The following KCNG3 variants were observed in gnomAD, a reference collection of about 807,000 sequenced individuals.
KCNG3 encodes potassium voltage-gated channel modifier subfamily G member 3, also known as voltage-gated potassium channel regulatory subunit KCNG3.
A neutral mutation model predicts 29.0 loss-of-function variants in KCNG3; 15 were observed. The ratio of observed to expected loss-of-function variants is 0.52; its 90% CI spans 0.35 to 0.80. The LOEUF (loss-of-function observed/expected upper bound fraction) is 0.80, where lower values mean the gene tolerates loss of function less well. Among genes scored for constraint, KCNG3 ranks in the 30% least tolerant of loss-of-function variants. The pLI, the probability that KCNG3 is intolerant of heterozygous loss-of-function variation, is 0.01. For synonymous variants in KCNG3, 322 were observed against 248.9 expected, an observed-to-expected ratio of 1.29 and a Z score of -2.76; for missense variants, 512 against 605.7, an observed-to-expected ratio of 0.85 and a Z score of 1.62.
At chr2:42,441,414 G>A (rs556512216), downstream of KCNG3, among the ~76,000 whole-genome samples, 141 of 151,884 alleles carry the variant, frequency 9.3e-4, 1 homozygote, top group Non-Finnish European at 1.1e-3. Context: ...GATAAATAAT[G>A]ATAAAAGTAG....
chr2:42,404,612 C>T, the KCNG3 span, among the ~76,000 whole-genome samples: 49 of 152,068 alleles, frequency 3.2e-4, no homozygotes, highest in Non-Finnish European at 5.4e-4. Flanking sequence ...ACCTTAGTCC[C>T]AGCTACTTGG....
chr2:42,450,939 T>G (rs1280830946), intron 1 of KCNG3, among the ~76,000 whole-genome samples: 1 of 152,156 alleles, frequency 6.6e-6, no homozygotes, highest in African/African-American at 2.4e-5. Context: ...AAGCAGTGGC[T>G]CATGCCCATA....
rs1432746078 is a variant in KCNG3, at chr2:42,492,818, G to C, written c.665+19C>G. 4 of 1,464,006 alleles carry C rather than the reference G, an allele frequency of 2.7e-6. No homozygotes were observed. Among genetic ancestry groups the C allele is most frequent in the Non-Finnish European group, 3.6e-6 (4 of 1,110,674 alleles). The allele number at this position is 1,464,006 out of a possible 1,614,324, so 90.7% of individuals were successfully genotyped here. A position where few individuals can be genotyped will look rare whatever the true frequency, so the allele number is the denominator to read the frequency against. On this transcript the variant is annotated intron_variant, in intron 1 of 1. Coordinates refer to ENST00000306078, the MANE Select transcript of KCNG3 (RefSeq NM_133329.6). Reference sequence around the variant, plus strand: ...CGCGACAGGACGGACGGGACGGGTAGAGAAGCAGTGCGTCCTACCCGGAGG... The same window carrying C: ...CGCGACAGGACGGACGGGACGGGTACAGAAGCAGTGCGTCCTACCCGGAGG...
At chr2:42,484,366 G>A (rs955467304) in intron 1 of KCNG3, among the ~76,000 whole-genome samples, 1 of 152,182 alleles carries the variant, frequency 6.6e-6, no homozygotes, top group Non-Finnish European at 1.5e-5. Context: ...GGGGGCTGAG[G>A]CAGGAGAATT....
chr2:42,477,847 C>G (rs960674135), intron 1 of KCNG3, among the ~76,000 whole-genome samples: 1 of 151,566 alleles, frequency 6.6e-6, no homozygotes, highest in East Asian at 2.0e-4. Flanking sequence ...CCACTGCACT[C>G]CAGCCTGGGT....
the KCNG3 span, among the ~76,000 whole-genome samples, chr2:42,420,713 T>A: frequency 1.3e-5 from 2 of 151,734 alleles, no homozygotes; most frequent in Non-Finnish European, 2.9e-5. Flanking sequence ...TCACTTGAAC[T>A]CAGGAGGCGG....
intron 1 of KCNG3, among the ~76,000 whole-genome samples, chr2:42,468,403 A>G (rs1485979605): frequency 1.3e-5 from 2 of 152,348 alleles, no homozygotes; most frequent in East Asian, 3.9e-4. Flanking sequence ...GGGACAGTCT[A>G]TACTGCTACA....
chr2:42,461,637 T>C (rs1673020471), intron 1 of KCNG3, among the ~76,000 whole-genome samples: 1 of 152,104 alleles, frequency 6.6e-6, no homozygotes. Flanking sequence ...CCCCTTAATC[T>C]TCAGGTGCCA....
chr2:42,474,447 G>C (rs963384250), intron 1 of KCNG3, among the ~76,000 whole-genome samples: 1 of 152,130 alleles, frequency 6.6e-6, no homozygotes. Flanking sequence ...AGAATCGCTT[G>C]AACCCAGGAG....
intron 1 of KCNG3, among the ~76,000 whole-genome samples, chr2:42,465,587 G>A (rs767408918): frequency 2.2e-4 from 33 of 151,968 alleles, no homozygotes; most frequent in Non-Finnish European, 4.4e-4. Context: ...TTCTTACATA[G>A]GGCACAAAAA....
At chr2:42,406,560 C>T in the KCNG3 span, among the ~76,000 whole-genome samples, 4 of 150,868 alleles carry the variant, frequency 2.7e-5, no homozygotes, top group Non-Finnish European at 5.9e-5. Context: ...GGCACAGTGG[C>T]TCACGCCTGT....
the KCNG3 span, among the ~76,000 whole-genome samples, chr2:42,409,215 G>A: frequency 2.6e-5 from 4 of 151,964 alleles, no homozygotes; most frequent in East Asian, 1.9e-4. Context: ...CAGCGGGCCC[G>A]AGCAAAACTT....
At chr2:42,491,804 C>T (rs948384538) in intron 1 of KCNG3, among the ~76,000 whole-genome samples, 3 of 152,156 alleles carry the variant, frequency 2.0e-5, no homozygotes, top group African/African-American at 4.8e-5. Context: ...GCCGCCGTTC[C>T]GAACATGTAC....
chr2:42,429,070 G>C, the KCNG3 span, among the ~76,000 whole-genome samples: 1 of 151,996 alleles, frequency 6.6e-6, no homozygotes, highest in Non-Finnish European at 1.5e-5. Context: ...GGTGAGCCAA[G>C]ATCATGCCAC....
chr2:42,475,726 G>C (rs945913768), intron 1 of KCNG3, among the ~76,000 whole-genome samples: 1 of 151,368 alleles, frequency 6.6e-6, no homozygotes, highest in Non-Finnish European at 1.5e-5. Context: ...AGTATTAATA[G>C]GATGCAATTG....
the KCNG3 span, among the ~76,000 whole-genome samples, chr2:42,399,762 G>T: frequency 1.3e-5 from 2 of 152,110 alleles, no homozygotes; most frequent in Non-Finnish European, 2.9e-5. Context: ...GGTGCACAGG[G>T]TTGCTTTCTC....
At chr2:42,484,025 C>T (rs1245204520) in intron 1 of KCNG3, among the ~76,000 whole-genome samples, 3 of 152,182 alleles carry the variant, frequency 2.0e-5, no homozygotes, top group Non-Finnish European at 4.4e-5. Context: ...TCAAGCGATC[C>T]TCTCGCCTCA....
downstream of KCNG3, among the ~76,000 whole-genome samples, chr2:42,438,075 T>C (rs1672405127): frequency 6.6e-6 from 1 of 152,168 alleles, no homozygotes; most frequent in African/African-American, 2.4e-5. Flanking sequence ...GCCCTCTATA[T>C]TGTAGAGAAA....
rs113813100 is a variant in KCNG3 at position 42,490,598 on chromosome 2, C to G, written c.665+2239G>C. ...TGATTCCTACACCACCAACTTGACA[C>G]CAACTTTTCTTTACAACAGAAAGTT... On this transcript the variant is annotated intron_variant, in intron 1 of 1. Coordinates refer to ENST00000306078, the MANE Select transcript of KCNG3 (RefSeq NM_133329.6). Among the ~76,000 whole-genome samples, 26 of 152,268 alleles carry G rather than the reference C, an allele frequency of 1.7e-4. 1 individual carries two copies. The highest frequency in any genetic ancestry group is 5.5e-4 in the African/African-American group (23 of 41,550).
Sources: gnomAD v4.1 joint callset for allele counts (sites outside exome capture counted in the v4.1 genomes callset) on GRCh38, gnomAD v4.1.1 for gene constraint, MANE v1.5 for transcripts, NCBI Gene and HGNC (gene_info 2026-07-23, HGNC 2026-07-21) for gene names.